The following DPP10 variants were observed in gnomAD, a reference collection of about 807,000 sequenced individuals.
DPP10 encodes the protein inactive dipeptidyl peptidase 10.
DPP10 carries 33 observed loss-of-function variants against 120.9 expected under a neutral mutation model. The ratio of observed to expected loss-of-function variants is 0.27; its 90% CI spans 0.21 to 0.37. DPP10 has a LOEUF of 0.37. Among genes scored for constraint, DPP10 ranks in the 10% least tolerant of loss-of-function variants. The probability of loss-of-function intolerance (pLI) is 1.00; values close to 1 mark genes in which losing one functional copy is unlikely to be tolerated. For synonymous variants in DPP10, 337 were observed against 326.1 expected, an observed-to-expected ratio of 1.03 and a Z score of -0.36; for missense variants, 816 against 942.8, an observed-to-expected ratio of 0.87 and a Z score of 1.76.
At chr2:115,502,086 A>G (rs2076711613) in intron 4 of DPP10, among the ~76,000 whole-genome samples, 1 of 152,094 alleles carries the variant, frequency 6.6e-6, no homozygotes, top group African/African-American at 2.4e-5. Context: ...AAATATGACT[A>G]CAAATTTATT....
At chr2:115,202,841 G>C (rs539910372) in intron 1 of DPP10, among the ~76,000 whole-genome samples, 2 of 152,054 alleles carry the variant, frequency 1.3e-5, no homozygotes, top group African/African-American at 2.4e-5. Flanking sequence ...TTCCATATCG[G>C]CATAGTTTTA....
At chr2:114,702,158 T>C (rs929211412) in intron 1 of DPP10, among the ~76,000 whole-genome samples, 1 of 152,172 alleles carries the variant, frequency 6.6e-6, no homozygotes, top group Admixed American at 6.5e-5. Flanking sequence ...CCATGTATTG[T>C]ATTTTTGTTC....
rs115340270 is a variant in DPP10, at chr2:115,602,684, G to T, written c.441+76712G>T. Among the ~76,000 whole-genome samples, 4 of 152,174 alleles carry T rather than the reference G, an allele frequency of 2.6e-5. No homozygotes were observed. The East Asian group carries it at 7.7e-4, about 29-fold the overall frequency. On this transcript the variant is annotated intron_variant, in intron 5 of 25. Coordinates refer to ENST00000410059, the MANE Select transcript of DPP10 (RefSeq NM_020868.6). Reference sequence around the variant, plus strand: ...GGAAAAAAATACACCTGTTTGCAAGGTGACATTTCTTTGAGGGCTCACTCA... The same window carrying T: ...GGAAAAAAATACACCTGTTTGCAAGTTGACATTTCTTTGAGGGCTCACTCA...
At chr2:115,804,431 T>C (rs146709335) in intron 19 of DPP10, among the ~76,000 whole-genome samples, 2,775 of 152,286 alleles carry the variant, frequency 0.018, 86 homozygotes, top group African/African-American at 0.061. Flanking sequence ...TCTCTCAACT[T>C]GTCAAAGTCA....
rs187539591 is a variant in DPP10 at position 114,914,903 on chromosome 2, G to A, written c.61-394336G>A. Among the ~76,000 whole-genome samples, 1,165 of 152,226 alleles carry A rather than the reference G, an allele frequency of 7.7e-3. 6 individuals are homozygous for A. Among genetic ancestry groups the A allele is most frequent in the African/African-American group, 0.027 (1,104 of 41,540 alleles). On this transcript the variant is annotated intron_variant, in intron 1 of 25. Coordinates refer to ENST00000410059, the MANE Select transcript of DPP10 (RefSeq NM_020868.6). ...TCCCAGCACTTTGGGAGGCCGAGGC[G>A]GGCGGATCATGAGGTCAGGAGATCG...
intron 1 of DPP10, among the ~76,000 whole-genome samples, chr2:114,918,637 C>T (rs1374809367): frequency 6.6e-6 from 1 of 152,164 alleles, no homozygotes; most frequent in Non-Finnish European, 1.5e-5. Flanking sequence ...AAGTCATGTC[C>T]TCTGCAGCAA....
At chr2:114,908,918 ATATT>A (rs1322645929) in intron 1 of DPP10, among the ~76,000 whole-genome samples, 4 of 151,760 alleles carry the variant, frequency 2.6e-5, no homozygotes, top group Non-Finnish European at 5.9e-5. Flanking sequence ...ATTTTTATCT[ATATT>A]TGTGAGTTTG....
At chr2:114,732,175 G>T (rs1329656585) in intron 1 of DPP10, among the ~76,000 whole-genome samples, 1 of 152,162 alleles carries the variant, frequency 6.6e-6, no homozygotes, top group Non-Finnish European at 1.5e-5. Flanking sequence ...TAGCTATCAT[G>T]AGAGCTCCTA....
At chr2:115,336,808 C>G (rs1481757311) in intron 2 of DPP10, among the ~76,000 whole-genome samples, 1 of 151,750 alleles carries the variant, frequency 6.6e-6, no homozygotes. Flanking sequence ...AAGAGTGTCT[C>G]AAAATGATTT....
chr2:115,002,022 G>C (rs1259787135), intron 1 of DPP10, among the ~76,000 whole-genome samples: 1 of 152,094 alleles, frequency 6.6e-6, no homozygotes, highest in African/African-American at 2.4e-5. Context: ...CACAGAATTA[G>C]ACAAAACTAT....
At chr2:114,945,034 A>C (rs1697242119) in intron 1 of DPP10, among the ~76,000 whole-genome samples, 1 of 152,234 alleles carries the variant, frequency 6.6e-6, no homozygotes, top group South Asian at 2.1e-4. Flanking sequence ...TTGAGTGTCC[A>C]TATGCAAAAA....
intron 1 of DPP10, among the ~76,000 whole-genome samples, chr2:114,569,994 A>G (rs1393819865): frequency 2.0e-5 from 3 of 152,290 alleles, no homozygotes; most frequent in African/African-American, 7.2e-5. Context: ...TATTTGAACT[A>G]AAGCAGAATA....
At chr2:114,949,176 G>A (rs763407149) in intron 1 of DPP10, among the ~76,000 whole-genome samples, 2 of 152,170 alleles carry the variant, frequency 1.3e-5, no homozygotes, top group South Asian at 2.1e-4. Context: ...ACCCGCCTCG[G>A]CCTCCCAAAA....
intron 1 of DPP10, among the ~76,000 whole-genome samples, chr2:115,160,865 C>T (rs1471364419): frequency 6.6e-6 from 1 of 152,002 alleles, no homozygotes; most frequent in African/African-American, 2.4e-5. Flanking sequence ...GTAGGTTTGC[C>T]GTGTTGTTTA....
intron 1 of DPP10, among the ~76,000 whole-genome samples, chr2:114,639,223 T>C (rs1377075361): frequency 6.6e-6 from 1 of 151,918 alleles, no homozygotes; most frequent in Non-Finnish European, 1.5e-5. Flanking sequence ...ATGTCTTACA[T>C]GGCGGCAGGC....
chr2:115,620,015 G>A lies in DPP10; in HGVS notation c.442-69672G>A, dbSNP rs1215183453. On this transcript the variant is annotated intron_variant, in intron 5 of 25. Transcript: ENST00000410059. ...AATAAAGTAGTATCTCATTTCATAC[G>A]TAGTATGTTGGAATGTTTTGCCATG... is the stretch of plus-strand genomic sequence containing the variant. Among the ~76,000 whole-genome samples, 5 of 152,154 alleles carry A rather than the reference G, an allele frequency of 3.3e-5. No individual in the cohort carries two copies. In the East Asian group the frequency reaches 5.8e-4, roughly 18 times the overall value.
intron 1 of DPP10, among the ~76,000 whole-genome samples, chr2:114,598,025 T>G (rs968757094): frequency 1.4e-4 from 22 of 151,958 alleles, no homozygotes; most frequent in Non-Finnish European, 2.9e-5. Context: ...GTTGCTCTGC[T>G]CTTCCAAAGG....
intron 5 of DPP10, among the ~76,000 whole-genome samples, chr2:115,566,450 T>C (rs2081015190): frequency 6.6e-6 from 1 of 152,156 alleles, no homozygotes; most frequent in African/African-American, 2.4e-5. Context: ...TATTTATTTA[T>C]GTTACTATAG....
chr2:115,378,635 T>G (rs1453012025), intron 3 of DPP10, among the ~76,000 whole-genome samples: 1 of 150,986 alleles, frequency 6.6e-6, no homozygotes, highest in Admixed American at 6.6e-5. Context: ...TGTGTCAGTT[T>G]TCAAAGGGAA....
Sources: gnomAD v4.1 joint callset for allele counts (sites outside exome capture counted in the v4.1 genomes callset) on GRCh38, gnomAD v4.1.1 for gene constraint, MANE v1.5 for transcripts, NCBI Gene and HGNC (gene_info 2026-07-23, HGNC 2026-07-21) for gene names.